RHBDD1: variants seen among roughly 807,000 people sequenced by gnomAD.
RHBDD1 encodes the protein rhomboid-related protein 4.
RHBDD1 carries 38 observed loss-of-function variants against 36.3 expected under a neutral mutation model. The observed-to-expected ratio is 1.05, with a 90% CI of 0.81 to 1.37. The LOEUF (loss-of-function observed/expected upper bound fraction) is 1.37, where lower values mean the gene tolerates loss of function less well. RHBDD1 is among the 40% of genes most tolerant of loss of function. The probability of loss-of-function intolerance (pLI) is 0.00; values close to 1 mark genes in which losing one functional copy is unlikely to be tolerated. For missense variants in RHBDD1, 393 were observed against 377.6 expected, an observed-to-expected ratio of 1.04 and a Z score of -0.34; for synonymous variants, 151 against 136.5, an observed-to-expected ratio of 1.11 and a Z score of -0.74.
At chr2:226,843,318 T>G (rs182007488) in intron 3 of RHBDD1, among the ~76,000 whole-genome samples, 1 of 152,130 alleles carries the variant, frequency 6.6e-6, no homozygotes, top group Admixed American at 6.5e-5. Flanking sequence ...TGAATAGGAG[T>G]GGTGGGAGAG....
chr2:226,979,258 C>CTAAAAACTA (rs1163441529), intron 8 of RHBDD1, among the ~76,000 whole-genome samples: 1 of 152,128 alleles, frequency 6.6e-6, no homozygotes, highest in African/African-American at 2.4e-5. Context: ...CTCAGTTCAG[C>CTAAAAACTA]TAAAAACTAG....
chr2:226,988,483 G>A (rs1957488952), intron 8 of RHBDD1: 4 of 1,542,684 alleles, frequency 2.6e-6, no homozygotes, highest in African/African-American at 1.4e-5. Flanking sequence ...CTGTAGTGGA[G>A]TTGAGCAAAG....
At chr2:226,964,735 C>G (rs1575277998) in intron 8 of RHBDD1, among the ~76,000 whole-genome samples, 2 of 152,220 alleles carry the variant, frequency 1.3e-5, no homozygotes, top group South Asian at 4.1e-4. Context: ...GTAACCAAGC[C>G]TTCTTGATGG....
intron 8 of RHBDD1, among the ~76,000 whole-genome samples, chr2:226,921,328 T>C (rs780257897): frequency 9.2e-5 from 14 of 152,134 alleles, no homozygotes; most frequent in African/African-American, 2.4e-4. Flanking sequence ...TGTATTGTTT[T>C]TTTCGTTTCA....
At chr2:226,824,472 C>A in the RHBDD1 span, among the ~76,000 whole-genome samples, 2 of 152,058 alleles carry the variant, frequency 1.3e-5, no homozygotes, top group African/African-American at 4.8e-5. Flanking sequence ...AGAACAAATT[C>A]CCTGGGAAAG....
chr2:226,981,693 A>G (rs1955806501), intron 8 of RHBDD1, among the ~76,000 whole-genome samples: 1 of 152,224 alleles, frequency 6.6e-6, no homozygotes, highest in Non-Finnish European at 1.5e-5. Context: ...GTTAAATGCC[A>G]TCAAATACAG....
chr2:226,953,305 G>A (rs920683351), intron 8 of RHBDD1, among the ~76,000 whole-genome samples: 2 of 152,184 alleles, frequency 1.3e-5, no homozygotes, highest in African/African-American at 4.8e-5. Context: ...CGGTGTGGTT[G>A]TGCCATTTAA....
chr2:226,908,505 C>G (rs1194790183), intron 6 of RHBDD1: 2 of 297,574 alleles, frequency 6.7e-6, no homozygotes, highest in African/African-American at 4.3e-5. Context: ...ACAGAGACAT[C>G]AAAGCCGAGG....
intron 5 of RHBDD1, among the ~76,000 whole-genome samples, chr2:226,889,558 T>C (rs867226436): frequency 1.4e-4 from 22 of 152,228 alleles, no homozygotes; most frequent in African/African-American, 3.4e-4. Context: ...AAAAGTTTTG[T>C]TGAGGAATAC....
At chr2:226,840,587 G>A (rs908663430) in intron 3 of RHBDD1, among the ~76,000 whole-genome samples, 2 of 152,150 alleles carry the variant, frequency 1.3e-5, no homozygotes, top group African/African-American at 4.8e-5. Flanking sequence ...AGAAACAGAA[G>A]CTCTACAGTA....
intron 8 of RHBDD1, among the ~76,000 whole-genome samples, chr2:226,938,434 AG>A (rs1300633350): frequency 3.9e-5 from 6 of 152,142 alleles, no homozygotes; most frequent in Admixed American, 3.9e-4. Flanking sequence ...AGAAATGATA[AG>A]GGGGATATTG....
intron 5 of RHBDD1, among the ~76,000 whole-genome samples, chr2:226,897,437 A>C (rs1383324625): frequency 6.6e-6 from 1 of 152,194 alleles, no homozygotes; most frequent in Admixed American, 6.5e-5. Flanking sequence ...TGAGTGAATG[A>C]ATGAATATGT....
At chr2:226,990,207 T>C (rs1957874492) in intron 8 of RHBDD1, among the ~76,000 whole-genome samples, 1 of 152,216 alleles carries the variant, frequency 6.6e-6, no homozygotes, top group South Asian at 2.1e-4. Context: ...CCTTCAGGCC[T>C]TTTTGGTCTT....
chr2:226,889,658 G>A (rs1406504822), intron 5 of RHBDD1, among the ~76,000 whole-genome samples: 1 of 152,122 alleles, frequency 6.6e-6, no homozygotes, highest in Non-Finnish European at 1.5e-5. Context: ...CAGTTATATG[G>A]CTTCTAGTCA....
At chr2:226,889,765 T>C (rs992395626) in intron 5 of RHBDD1, among the ~76,000 whole-genome samples, 1 of 152,196 alleles carries the variant, frequency 6.6e-6, no homozygotes, top group Admixed American at 6.5e-5. Context: ...GCCGAAGGTA[T>C]ATCCATCAGG....
At chr2:226,951,269 G>A (rs1046172663) in intron 8 of RHBDD1, among the ~76,000 whole-genome samples, 2 of 152,070 alleles carry the variant, frequency 1.3e-5, no homozygotes, top group African/African-American at 4.8e-5. Flanking sequence ...TAGTACTGGG[G>A]TTTAGGGCTG....
chr2:226,950,674 C>A (rs1220713391), intron 8 of RHBDD1, among the ~76,000 whole-genome samples: 1 of 152,196 alleles, frequency 6.6e-6, no homozygotes, highest in Non-Finnish European at 1.5e-5. Context: ...AATAGCCATT[C>A]TAACAAGTGT....
At chr2:226,933,403 G>A (rs1041711722) in intron 8 of RHBDD1, among the ~76,000 whole-genome samples, 2 of 152,206 alleles carry the variant, frequency 1.3e-5, no homozygotes, top group African/African-American at 2.4e-5. Context: ...AGTCTCTCTT[G>A]TGAGACCAGA....
chr2:226,864,388 A>G (rs1372855426), intron 3 of RHBDD1, among the ~76,000 whole-genome samples: 4 of 152,156 alleles, frequency 2.6e-5, no homozygotes, highest in African/African-American at 9.7e-5. Flanking sequence ...TAACTGATTC[A>G]TTGGGATTTG....
Sources: gnomAD v4.1 joint callset for allele counts (sites outside exome capture counted in the v4.1 genomes callset) on GRCh38, gnomAD v4.1.1 for gene constraint, MANE v1.5 for transcripts, NCBI Gene and HGNC (gene_info 2026-07-23, HGNC 2026-07-21) for gene names.